TOX2: variants seen among roughly 807,000 people sequenced by gnomAD.
TOX2 encodes the protein TOX high mobility group box family member 2, also known as granulosa cell HMG box 1.
In TOX2, 15 loss-of-function variants were observed where a neutral mutation model predicts 47.4. The observed-to-expected ratio is 0.32, with a 90% CI of 0.21 to 0.49. The LOEUF (loss-of-function observed/expected upper bound fraction) is 0.49. Among genes scored for constraint, TOX2 ranks in the 20% least tolerant of loss-of-function variants. The probability of loss-of-function intolerance (pLI) is 0.99; values close to 1 mark genes in which losing one functional copy is unlikely to be tolerated. For missense variants in TOX2, 622 were observed against 673.1 expected, an observed-to-expected ratio of 0.92 and a Z score of 0.84; for synonymous variants, 290 against 296.6, an observed-to-expected ratio of 0.98 and a Z score of 0.23.
intron 2 of TOX2, among the ~76,000 whole-genome samples, chr20:43,998,829 A>G (rs560533623): frequency 6.6e-6 from 1 of 152,110 alleles, no homozygotes; most frequent in Non-Finnish European, 1.5e-5. Context: ...GCACAATCTC[A>G]GCTCACTGCA....
intron 2 of TOX2, among the ~76,000 whole-genome samples, chr20:43,980,289 A>G (rs1229820329): frequency 6.6e-6 from 1 of 152,216 alleles, no homozygotes; most frequent in East Asian, 1.9e-4. Context: ...TAAACATTGC[A>G]TGTTCTCACT....
intron 2 of TOX2, among the ~76,000 whole-genome samples, chr20:43,985,901 T>A (rs942088720): frequency 6.6e-6 from 1 of 152,078 alleles, no homozygotes; most frequent in Non-Finnish European, 1.5e-5. Flanking sequence ...CTGGGAAGGA[T>A]GAGCAGGCGG....
intron 3 of TOX2, among the ~76,000 whole-genome samples, 169 bp downstream of exon 3, chr20:44,006,961 A>T (rs1336046951): frequency 1.3e-5 from 2 of 152,090 alleles, no homozygotes; most frequent in Admixed American, 6.5e-5. Context: ...ACCTGGTAGC[A>T]TGGGAGTCTG....
At chr20:44,016,118 C>T (rs956414305) in intron 3 of TOX2, among the ~76,000 whole-genome samples, 5 of 151,848 alleles carry the variant, frequency 3.3e-5, no homozygotes, top group Admixed American at 6.6e-5. Context: ...GTTTGGGATG[C>T]GTTCACACTG....
chr20:43,987,703 G>A (rs778353885), intron 2 of TOX2, among the ~76,000 whole-genome samples: 32 of 151,972 alleles, frequency 2.1e-4, no homozygotes, highest in Non-Finnish European at 4.4e-4. Flanking sequence ...GCCTTTTACC[G>A]CTTGAACAAT....
chr20:43,929,452 G>A (rs1311958792), intron 1 of TOX2, among the ~76,000 whole-genome samples: 1 of 152,150 alleles, frequency 6.6e-6, no homozygotes, highest in African/African-American at 2.4e-5. Context: ...CCCCCTCAGT[G>A]ACTCCATTCC....
At chr20:43,968,106 T>C (rs2069892674) in intron 1 of TOX2, among the ~76,000 whole-genome samples, 1 of 152,170 alleles carries the variant, frequency 6.6e-6, no homozygotes, top group African/African-American at 2.4e-5. Context: ...CATCTGCCGA[T>C]CATCCGTCTA....
At chr20:43,983,440 G>A (rs1219909580) in intron 2 of TOX2, among the ~76,000 whole-genome samples, 1 of 152,072 alleles carries the variant, frequency 6.6e-6, no homozygotes, top group Non-Finnish European at 1.5e-5. Flanking sequence ...CCATCAGGAG[G>A]CCAGAAGACA....
At chr20:44,001,916 A>G (rs1209394971) in intron 2 of TOX2, among the ~76,000 whole-genome samples, 1 of 152,152 alleles carries the variant, frequency 6.6e-6, no homozygotes, top group African/African-American at 2.4e-5. Flanking sequence ...AAGAGAGTTA[A>G]AGGACTTCCC....
At chr20:43,996,666 T>G (rs1285252712) in intron 2 of TOX2, among the ~76,000 whole-genome samples, 4 of 152,018 alleles carry the variant, frequency 2.6e-5, no homozygotes, top group Non-Finnish European at 4.4e-5. Context: ...GGTGTGTGTG[T>G]GTGGGATTTA....
In TOX2 at chr20:44,051,435, G is replaced by A. The variant is rs1424887590; in HGVS notation, c.541G>A (p.Gly181Ser). 4.3e-6 allele frequency: 7 copies of A among 1,614,062 alleles called. No homozygotes were observed. Among genetic ancestry groups the A allele is most frequent in the Middle Eastern group, 1.6e-4 (1 of 6,062 alleles). ...CCAGTCCCAGCTCATCTCGCAGATG[G>A]GCATCCGGAGCAGCATCGCCCACAG... ...LSQSQLISQM[G>S]IRSSIAHSSP... Residue 181 changes from glycine to serine, a missense_variant, in exon 4 of 9, where the codon GGC becomes AGC. By Grantham distance (56) the Gly-to-Ser change is moderately conservative. This residue lies in a region of TOX2 where 307 missense variants were observed against 327.3 expected (regional missense o/e 0.94). Coordinates refer to ENST00000341197, the MANE Select transcript of TOX2 (RefSeq NM_001098797.2).
At chr20:43,937,464 G>C (rs1456476514) in intron 1 of TOX2, among the ~76,000 whole-genome samples, 3 of 152,132 alleles carry the variant, frequency 2.0e-5, no homozygotes, top group African/African-American at 7.2e-5. Context: ...GTTTGAGGAA[G>C]GGGGAGGAGG....
intron 4 of TOX2, among the ~76,000 whole-genome samples, chr20:44,053,599 CATATATAT>C (rs1293825650): frequency 7.1e-4 from 53 of 74,794 alleles, no homozygotes; most frequent in African/African-American, 3.1e-3. Flanking sequence ...TATACACACA[CATATATAT>C]ACATATACAC....
intron 3 of TOX2, among the ~76,000 whole-genome samples, chr20:44,011,223 T>A (rs1197988326): frequency 6.6e-6 from 1 of 152,170 alleles, no homozygotes; most frequent in Non-Finnish European, 1.5e-5. Flanking sequence ...GTTCCAAGGA[T>A]TAGGACCTGA....
chr20:44,028,018 C>T (rs1467844549), intron 3 of TOX2, among the ~76,000 whole-genome samples: 1 of 152,194 alleles, frequency 6.6e-6, no homozygotes, highest in Admixed American at 6.5e-5. Flanking sequence ...GAGCAAAGCA[C>T]CAGCCACGGT....
chr20:43,971,696 A>G (rs1046725187), intron 1 of TOX2, among the ~76,000 whole-genome samples: 4 of 152,252 alleles, frequency 2.6e-5, no homozygotes, highest in Non-Finnish European at 2.9e-5. Context: ...AAACAATGCA[A>G]CTACCCATGT....
chr20:44,049,881 G>GTCTA (rs2071478355), intron 3 of TOX2, among the ~76,000 whole-genome samples: 1 of 152,110 alleles, frequency 6.6e-6, no homozygotes, highest in Non-Finnish European at 1.5e-5. Flanking sequence ...TTTTCTTTCA[G>GTCTA]TCTATCTTTG....
intron 1 of TOX2, among the ~76,000 whole-genome samples, chr20:43,948,844 G>A (rs578243596): frequency 2.6e-5 from 4 of 152,356 alleles, no homozygotes; most frequent in East Asian, 3.9e-4. Context: ...TCCTGCTGTT[G>A]GGTGTTGAGA....
chr20:43,962,369 C>T (rs1010080367), intron 1 of TOX2, among the ~76,000 whole-genome samples: 1 of 152,176 alleles, frequency 6.6e-6, no homozygotes, highest in Non-Finnish European at 1.5e-5. Context: ...TTCCTGCCTG[C>T]AGCTTATGAG....
Sources: allele counts gnomAD v4.1 joint callset (sites outside exome capture counted in the v4.1 genomes callset), GRCh38; gene constraint gnomAD v4.1.1; regional missense constraint gnomAD v4.1.1; transcripts MANE v1.5; gene names NCBI Gene and HGNC (gene_info 2026-07-23, HGNC 2026-07-21).